The following PAK6 variants were observed in gnomAD, a reference collection of about 807,000 sequenced individuals.
The protein encoded by PAK6 is serine/threonine-protein kinase PAK 6.
In PAK6, 33 loss-of-function variants were observed where a neutral mutation model predicts 60.8. That is an observed-to-expected ratio of 0.54 (90% CI 0.41 to 0.73). The LOEUF (loss-of-function observed/expected upper bound fraction) is 0.73, where lower values mean the gene tolerates loss of function less well. Ranked by LOEUF, PAK6 falls within the 30% of genes least tolerant of loss-of-function variation. PAK6 has a pLI of 0.00. For missense variants in PAK6, 845 were observed against 904.1 expected, an observed-to-expected ratio of 0.93 and a Z score of 0.84; for synonymous variants, 404 against 378.5, an observed-to-expected ratio of 1.07 and a Z score of -0.78.
At position 40,272,382 on chromosome 15, in the gene PAK6, A is replaced by G. The variant is rs760196480; in HGVS notation, c.1017A>G (p.Thr339=). ...AGTCCCTCCGCACAGCCCCGGCCACAGGCCAGCTTCCAGGCCGGTCTTCCC... is the reference window on the plus strand; with the variant it reads ...AGTCCCTCCGCACAGCCCCGGCCACGGGCCAGCTTCCAGGCCGGTCTTCCC... The change falls in exon 6 of 11, where the codon ACA becomes ACG. Residue 339 remains threonine, a synonymous_variant. Coordinates refer to ENST00000560346, the Ensembl canonical transcript of PAK6. 3.1e-6 allele frequency: 5 copies of G among 1,613,668 alleles called. No homozygotes were observed. In the South Asian group the frequency reaches 4.4e-5, roughly 14 times the overall value.
intron 2 of PAK6, among the ~76,000 whole-genome samples, chr15:40,249,503 C>T (rs1038611144): frequency 1.8e-4 from 28 of 152,298 alleles, no homozygotes; most frequent in East Asian, 1.2e-3. Context: ...GCCTGGCCCA[C>T]GGGAAGCATG....
chr15:40,249,864 T>A (rs765144668), intron 2 of PAK6, among the ~76,000 whole-genome samples: 11 of 152,228 alleles, frequency 7.2e-5, no homozygotes, highest in Non-Finnish European at 1.5e-4. Flanking sequence ...GGCCTGCCAA[T>A]GCCTCTGAGA....
At chr15:40,252,280 G>A (rs1444536214) in intron 2 of PAK6, 6 of 1,212,192 alleles carry the variant, frequency 4.9e-6, no homozygotes, top group Non-Finnish European at 6.3e-6. Flanking sequence ...ACACACAGCC[G>A]GCGCTCAGCT....
intron 9 of PAK6, 174 bp from the exon 10 acceptor site, chr15:40,273,968 G>T: frequency 1.3e-6 from 1 of 759,182 alleles, no homozygotes; most frequent in Non-Finnish European, 2.2e-6. Context: ...ATAGGCAGTG[G>T]TCACTCATGC....
chr15:40,251,995 T>C lies in PAK6; in HGVS notation c.-117-1183T>C. On this transcript the variant is annotated intron_variant, in intron 2 of 10. Coordinates refer to ENST00000560346, the Ensembl canonical transcript of PAK6. The stretch of plus-strand genomic sequence containing the variant: ...GTGCGGGTCTCCTGCCCTAGGACTC[T>C]CAGGCTAGAAAGTCCTCAGGACTCA... 2 of 165,920 alleles carry C rather than the reference T, an allele frequency of 1.2e-5. 1 individual carries two copies. The highest frequency in any genetic ancestry group is 3.1e-4 in the South Asian group (2 of 6,466). 10.3% of individuals were successfully genotyped at this position (165,920 alleles called of 1,614,324 possible).
chr15:40,275,302 T>TTTTTTG (rs2039426331), intron 10 of PAK6, among the ~76,000 whole-genome samples: 1 of 137,932 alleles, frequency 7.2e-6, no homozygotes, highest in East Asian at 2.0e-4. Flanking sequence ...TTTTTTTTTT[T>TTTTTTG]GGAGATGGAG....
At chr15:40,273,914 T>C in intron 9 of PAK6, 1 of 667,858 alleles carries the variant, frequency 1.5e-6, no homozygotes, top group South Asian at 1.9e-5. Context: ...CCGGGCCTCC[T>C]ATGTATGATG....
intron 3 of PAK6, among the ~76,000 whole-genome samples, chr15:40,257,281 A>C (rs759905852): frequency 6.6e-6 from 1 of 152,238 alleles, no homozygotes; most frequent in African/African-American, 2.4e-5. Flanking sequence ...TTACACAGCC[A>C]GCCCAACGCT....
chr15:40,273,958 A>G, intron 9 of PAK6, 184 bp from the exon 10 acceptor site: 1 of 724,022 alleles, frequency 1.4e-6, no homozygotes, highest in Non-Finnish European at 2.3e-6. Flanking sequence ...CTGTGTCCCT[A>G]TAGGCAGTGG....
At chr15:40,273,321 C>G (rs1299430329) in intron 7 of PAK6, 25 bp from the exon 8 acceptor site, 3 of 1,609,196 alleles carry the variant, frequency 1.9e-6, no homozygotes, top group South Asian at 1.1e-5. Context: ...TCTCTTTCAT[C>G]GGGTGGCCCC....
intron 2 of PAK6, among the ~76,000 whole-genome samples, chr15:40,247,753 C>T (rs186803038): frequency 6.6e-6 from 1 of 152,268 alleles, no homozygotes; most frequent in East Asian, 1.9e-4. Flanking sequence ...ACAGTGCTAC[C>T]CCCTGGCGCT....
chr15:40,265,098 C>A, intron 4 of PAK6, 109 bp downstream of exon 4: 1 of 973,850 alleles, frequency 1.0e-6, no homozygotes, highest in Non-Finnish European at 1.5e-6. Context: ...TCACAGCTAT[C>A]AGTTAATCAG....
chr15:40,243,544 G>A (rs1172387979), intron 2 of PAK6, among the ~76,000 whole-genome samples: 1 of 152,278 alleles, frequency 6.6e-6, no homozygotes, highest in Non-Finnish European at 1.5e-5. Context: ...TTATCACCGT[G>A]ATGATAACTG....
At chr15:40,270,551 G>A (rs1479356858) in intron 5 of PAK6, among the ~76,000 whole-genome samples, 1 of 152,190 alleles carries the variant, frequency 6.6e-6, no homozygotes, top group Non-Finnish European at 1.5e-5. Context: ...CCAGGGCTGG[G>A]CCCCAGGTCC....
At chr15:40,273,381 C>T in exon 8 of PAK6, 1 of 1,614,000 alleles carries the variant, frequency 6.2e-7, no homozygotes, top group Non-Finnish European at 8.5e-7. Flanking sequence ...GTGTGTGAGG[C>T]TGTGCTGCAG....
intron 3 of PAK6, among the ~76,000 whole-genome samples, chr15:40,258,080 T>C (rs2038887482): frequency 1.3e-5 from 2 of 152,268 alleles, no homozygotes; most frequent in South Asian, 4.2e-4. Context: ...CCATGACCTC[T>C]TGGAAACATT....
At chr15:40,276,748 T>TGGTGTG (rs1566860704) in exon 11 of PAK6, 1 of 35,760 alleles carries the variant, frequency 2.8e-5, no homozygotes, top group African/African-American at 9.4e-5. Context: ...GGAGAGAACA[T>TGGTGTG]CGTGTGTGTG....
At chr15:40,261,110 T>A (rs199556657) in intron 3 of PAK6, among the ~76,000 whole-genome samples, 18 of 151,876 alleles carry the variant, frequency 1.2e-4, no homozygotes, top group East Asian at 3.9e-4. Flanking sequence ...GGATGATCTC[T>A]ATCTCCTGAC....
intron 2 of PAK6, among the ~76,000 whole-genome samples, chr15:40,249,171 C>T (rs2038588125): frequency 6.6e-6 from 1 of 152,150 alleles, no homozygotes. Context: ...GGGCCTCTTT[C>T]ATAAAGGCAT....
Sources: gnomAD v4.1 joint callset for allele counts (sites outside exome capture counted in the v4.1 genomes callset) on GRCh38, gnomAD v4.1.1 for gene constraint, MANE v1.5 for transcripts, NCBI Gene and HGNC (gene_info 2026-07-23, HGNC 2026-07-21) for gene names.